The following ZNF654 variants were observed in gnomAD, a reference collection of about 807,000 sequenced individuals.
ZNF654 encodes zinc finger protein 654, also known as melanoma-associated antigen.
A neutral mutation model predicts 95.3 loss-of-function variants in ZNF654; 19 were observed. The observed-to-expected ratio is 0.20, with a 90% CI of 0.14 to 0.29. ZNF654 has a LOEUF of 0.29. Among genes scored for constraint, ZNF654 ranks in the 10% least tolerant of loss-of-function variants. The pLI, the probability that ZNF654 is intolerant of heterozygous loss-of-function variation, is 1.00. For missense variants in ZNF654, 1,046 were observed against 1,341.0 expected, an observed-to-expected ratio of 0.78 and a Z score of 3.44; for synonymous variants, 413 against 457.9, an observed-to-expected ratio of 0.90 and a Z score of 1.25.
At chr3:88,092,288 C>T (rs749339199) in intron 2 of ZNF654, among the ~76,000 whole-genome samples, 5 of 152,132 alleles carry the variant, frequency 3.3e-5, no homozygotes, top group Admixed American at 6.5e-5. Flanking sequence ...TAAAGCTCTG[C>T]TTGCTTCTAG....
rs993866751 is a variant in ZNF654, at chr3:88,143,788, A to C, written c.*2136A>C. On this transcript the variant is annotated 3_prime_UTR_variant, in exon 9 of 9. Transcript: ENST00000636215. ...GGTTTATATATAACTAAATCAAGGA[A>C]TGTTTTATAAAATTCTATTTGACCA... The C allele has an allele frequency of 6.6e-6, 1 of 152,002 alleles. No individual in the cohort carries two copies. The highest frequency in any genetic ancestry group is 2.4e-5 in the African/African-American group (1 of 41,440). 9.4% of individuals were successfully genotyped at this position (152,002 alleles called of 1,614,324 possible).
chr3:88,080,878 A>G (rs879618297), intron 1 of ZNF654, among the ~76,000 whole-genome samples: 1 of 152,226 alleles, frequency 6.6e-6, no homozygotes, highest in Non-Finnish European at 1.5e-5. Flanking sequence ...CAGTACAGCT[A>G]TCAAGAACAG....
rs60771091 is a variant in ZNF654, at chr3:88,102,838, T to TTTA, written c.333-10277_333-10276insTTA. Among the ~76,000 whole-genome samples the TTTA allele has an allele frequency of 3.4e-5, 5 of 146,908 alleles. No homozygotes were observed. In the South Asian group the frequency reaches 6.4e-4, roughly 19 times the overall value. On this transcript the variant is annotated intron_variant, in intron 2 of 8. Coordinates refer to ENST00000636215, the MANE Select transcript of ZNF654 (RefSeq NM_001350134.2). ...CTGTCTTTTTTTTTTTTTTTTTTTT[T>TTTA]AATAATTTCAACTTGTAGTTTAGAT...
intron 1 of ZNF654, among the ~76,000 whole-genome samples, chr3:88,066,130 A>T (rs1325555197): frequency 1.3e-5 from 2 of 152,340 alleles, no homozygotes; most frequent in Non-Finnish European, 2.9e-5. Context: ...ATGCTTTTTT[A>T]AAAAAATGAA....
rs182119282 is a variant in ZNF654, at chr3:88,102,759, A to G, written c.333-10356A>G. ...ATATGCTCCACAATAAAGCCCTAGC[A>G]GAAGAAAAGACATGCCTCTTTCTAG... On this transcript the variant is annotated intron_variant, in intron 2 of 8. Coordinates refer to ENST00000636215, the MANE Select transcript of ZNF654 (RefSeq NM_001350134.2). Among the ~76,000 whole-genome samples the G allele has an allele frequency of 3.9e-3, 592 of 152,110 alleles. 2 individuals carry two copies. Among genetic ancestry groups the G allele is most frequent in the Non-Finnish European group, 6.3e-3 (431 of 67,986 alleles).
intron 2 of ZNF654, among the ~76,000 whole-genome samples, chr3:88,109,553 T>A (rs1166989349): frequency 6.6e-6 from 1 of 152,168 alleles, no homozygotes; most frequent in African/African-American, 2.4e-5. Context: ...CAAATCTTTC[T>A]TGTATTTTAG....
At chr3:88,083,707 T>A (rs1576231640) in intron 1 of ZNF654, among the ~76,000 whole-genome samples, 1 of 152,038 alleles carries the variant, frequency 6.6e-6, no homozygotes, top group Admixed American at 6.6e-5. Flanking sequence ...TAAGAGTGGG[T>A]TTTTAAGATC....
Position 88,139,938 on chromosome 3 carries a change from T to G in ZNF654, c.2269T>G (p.Phe757Val). Residue 757 changes from phenylalanine (F) to valine (V), a missense_variant, in exon 8 of 9, where the codon TTT (phenylalanine) becomes GTT (valine). By Grantham distance (50) the Phe-to-Val change is conservative. Transcript: ENST00000636215. ...TCCTGCTCTTGGTTGTGTCCGGATA[T>G]TTAAAAGAATTGGGTTTCTAAATAA... ...KCPALGCVRI[F>V]KRIGFLNKHA... 6.2e-7 allele frequency: 1 copy of G among 1,613,676 alleles called. No homozygotes were observed. Among genetic ancestry groups the G allele is most frequent in the Non-Finnish European group, 8.5e-7 (1 of 1,179,774 alleles).
At chr3:88,085,166 T>C (rs1708276508) in intron 1 of ZNF654, among the ~76,000 whole-genome samples, 1 of 152,202 alleles carries the variant, frequency 6.6e-6, no homozygotes, top group South Asian at 2.1e-4. Flanking sequence ...GGGCTCTGAG[T>C]GTTCTTGGCT....
chr3:88,112,858 C>T (rs368904342), intron 2 of ZNF654, among the ~76,000 whole-genome samples: 4 of 151,916 alleles, frequency 2.6e-5, no homozygotes, highest in Middle Eastern at 3.2e-3. Flanking sequence ...GCATTGTGGT[C>T]ATTAGTAGGC....
intron 1 of ZNF654, among the ~76,000 whole-genome samples, chr3:88,081,962 C>A (rs1708099621): frequency 6.6e-6 from 1 of 152,078 alleles, no homozygotes; most frequent in Non-Finnish European, 1.5e-5. Context: ...TAAGACTAAC[C>A]TAATGTGTTT....
At chr3:88,115,701 T>G (rs561555228) in intron 3 of ZNF654, among the ~76,000 whole-genome samples, 2 of 152,232 alleles carry the variant, frequency 1.3e-5, no homozygotes, top group African/African-American at 4.8e-5. Context: ...AACTTCATTC[T>G]TAGAGCCAAA....
chr3:88,059,480 G>C lies in ZNF654; in HGVS notation c.161G>C (p.Arg54Pro). 1.3e-6 allele frequency: 2 copies of C among 1,513,110 alleles called. No homozygotes were observed. Among genetic ancestry groups the C allele is most frequent in the South Asian group, 1.2e-5 (1 of 81,208 alleles). 93.7% of individuals were successfully genotyped at this position (1,513,110 alleles called of 1,614,324 possible). Residue 54 changes from arginine to proline, a missense_variant, in exon 1 of 9, where the codon CGG becomes CCG. Coordinates refer to ENST00000636215, the MANE Select transcript of ZNF654 (RefSeq NM_001350134.2). ...NCGGGVGISS[R>P]DYCRRFCQVV... ...GGCGGCGGCGTCGGAATCAGCAGTC[G>C]GGATTACTGCCGACGCTTCTGTCAG...
In ZNF654 at chr3:88,140,340, G is replaced by T. The variant is rs1305211073; in HGVS notation, c.2671G>T (p.Asp891Tyr). Residue 891 changes from aspartate to tyrosine, a missense_variant, in exon 8 of 9, where the codon GAC becomes TAC. By Grantham distance (160) the Asp-to-Tyr change is radical (BLOSUM62 -3). This residue lies in a region of ZNF654 where 495 missense variants were observed against 537.0 expected (regional missense o/e 0.92). Transcript: ENST00000636215. ...AACAATTCTTTGGGATGTTCAGACA[G>T]ACTCAAATCCTAATCAGGAAAAAGA... ...SETILWDVQTDSNPNQEKDSS... is the reference protein window; with the variant it reads ...SETILWDVQTYSNPNQEKDSS... 2 of 1,613,416 alleles carry T rather than the reference G, an allele frequency of 1.2e-6. No individual in the cohort carries two copies. The highest frequency in any genetic ancestry group is 1.7e-6 in the Non-Finnish European group (2 of 1,179,692).
intron 2 of ZNF654, among the ~76,000 whole-genome samples, chr3:88,097,646 T>C (rs947956699): frequency 1.3e-5 from 2 of 152,062 alleles, no homozygotes; most frequent in African/African-American, 4.8e-5. Flanking sequence ...CAGACCACAG[T>C]GCAATCAAAT....
In ZNF654 at chr3:88,140,983, C is replaced by T; in HGVS notation, c.3314C>T (p.Ala1105Val). The T allele has an allele frequency of 1.2e-6, 2 of 1,612,996 alleles. No homozygotes were observed. Among genetic ancestry groups the T allele is most frequent in the Non-Finnish European group, 1.7e-6 (2 of 1,179,416 alleles). ...CTGACCACCTACTGTAATGCAGAAG[C>T]ACTTGAGGCTCATCTTGCACAAAAG... Reference protein sequence around the residue: ...KCLTTYCNAEALEAHLAQKKC... With the variant: ...KCLTTYCNAEVLEAHLAQKKC... Residue 1105 changes from alanine to valine, a missense_variant, in exon 8 of 9, where the codon GCA becomes GTA. Ala to Val is a moderately conservative substitution (Grantham distance 64). Coordinates refer to ENST00000636215, the MANE Select transcript of ZNF654 (RefSeq NM_001350134.2).
rs1166248334 is a variant in ZNF654, at chr3:88,129,037, A to G, written c.753+26A>G. ...GTATTGTTTGAGACTATTTTTGCCTATTACCATTTTAACCCTACCAAAAAA... is the reference window on the plus strand; with the variant it reads ...GTATTGTTTGAGACTATTTTTGCCTGTTACCATTTTAACCCTACCAAAAAA... On this transcript the variant is annotated intron_variant, in intron 5 of 8. Coordinates refer to ENST00000636215, the MANE Select transcript of ZNF654 (RefSeq NM_001350134.2). 29 of 1,492,888 alleles carry G rather than the reference A, an allele frequency of 1.9e-5. 1 individual carries two copies. Among genetic ancestry groups the G allele is most frequent in the East Asian group, 2.5e-5 (1 of 40,252 alleles). 92.5% of individuals were successfully genotyped at this position (1,492,888 alleles called of 1,614,324 possible). A position where few individuals can be genotyped will look rare whatever the true frequency, so the allele number is the denominator to read the frequency against.
At chr3:88,111,122 G>A (rs2107759075) in intron 2 of ZNF654, among the ~76,000 whole-genome samples, 1 of 152,138 alleles carries the variant, frequency 6.6e-6, no homozygotes, top group African/African-American at 2.4e-5. Flanking sequence ...AATGTCAAGA[G>A]TGGAGGTCCA....
chr3:88,086,232 A>C, intron 1 of ZNF654, 25 bp from the exon 2 acceptor site: 1 of 1,519,322 alleles, frequency 6.6e-7, no homozygotes, highest in Non-Finnish European at 8.8e-7. Context: ...TTTCTATAGT[A>C]ATGTCTGGAT....
Sources: allele counts gnomAD v4.1 joint callset (sites outside exome capture counted in the v4.1 genomes callset), GRCh38; gene constraint gnomAD v4.1.1; regional missense constraint gnomAD v4.1.1; transcripts MANE v1.5; gene names NCBI Gene and HGNC (gene_info 2026-07-23, HGNC 2026-07-21).